DOCK9: variants seen among roughly 807,000 people sequenced by gnomAD.
The protein encoded by DOCK9 is dedicator of cytokinesis protein 9.
A neutral mutation model predicts 263.3 loss-of-function variants in DOCK9; 89 were observed. That is an observed-to-expected ratio of 0.34 (90% CI 0.28 to 0.40). DOCK9 has a LOEUF of 0.40. Ranked by LOEUF, DOCK9 falls within the 10% of genes least tolerant of loss-of-function variation. The probability of loss-of-function intolerance (pLI) is 1.00; values close to 1 mark genes in which losing one functional copy is unlikely to be tolerated. For synonymous variants in DOCK9, 976 were observed against 973.1 expected (o/e 1.00, Z -0.06); for missense variants, 2,140 against 2,603.4 (o/e 0.82, Z 3.87).
intron 1 of DOCK9, among the ~76,000 whole-genome samples, chr13:99,082,993 G>A (rs1324664739): frequency 2.0e-5 from 3 of 151,992 alleles, no homozygotes; most frequent in Non-Finnish European, 2.9e-5. Flanking sequence ...GGTGGTTCAC[G>A]CCTGTAATCC....
chr13:99,065,044 G>A (rs1444612893), intron 1 of DOCK9, among the ~76,000 whole-genome samples: 1 of 152,106 alleles, frequency 6.6e-6, no homozygotes, highest in African/African-American at 2.4e-5. Flanking sequence ...TCAGGTTTCT[G>A]CATCACCACA....
In DOCK9 at chr13:98,823,445, C is replaced by T. The variant is rs73555164; in HGVS notation, c.5130+953G>A. ...AATGGTTAAAAGCCCCAGTATCAACCGTATGCCACACCGCTGTGGCCCTGG... is the reference window on the plus strand; with the variant it reads ...AATGGTTAAAAGCCCCAGTATCAACTGTATGCCACACCGCTGTGGCCCTGG... On this transcript the variant is annotated intron_variant, in intron 45 of 52. Transcript: ENST00000682017. Among the ~76,000 whole-genome samples, 970 of 152,290 alleles carry T rather than the reference C, an allele frequency of 6.4e-3. 14 individuals carry two copies. The highest frequency in any genetic ancestry group is 0.023 in the African/African-American group (945 of 41,546).
intron 1 of DOCK9, among the ~76,000 whole-genome samples, chr13:99,004,782 T>TGGAC (rs1883004443): frequency 1.2e-5 from 1 of 86,278 alleles, no homozygotes; most frequent in African/African-American, 4.4e-5. Flanking sequence ...CAAAAAACTA[T>TGGAC]AGACACACAC....
chr13:98,919,692 C>T (rs1224867926), intron 7 of DOCK9, among the ~76,000 whole-genome samples: 1 of 152,174 alleles, frequency 6.6e-6, no homozygotes, highest in Non-Finnish European at 1.5e-5. Flanking sequence ...GAGAAAAATG[C>T]CTGAATGATC....
chr13:99,022,655 AAC>A lies in DOCK9; in HGVS notation c.129+63566_129+63567del, dbSNP rs539725540. Among the ~76,000 whole-genome samples, 51 of 152,340 alleles carry A rather than the reference AAC, an allele frequency of 3.3e-4. 1 individual carries two copies. In the South Asian group the frequency reaches 9.9e-3, roughly 30 times the overall value. Reference sequence around the variant, plus strand: ...GATCAAGTTAAATAGCTTTTAAAATAACACAGGTCAGCCAGAAATGCTAGCAC... The same window carrying A: ...GATCAAGTTAAATAGCTTTTAAAATAACAGGTCAGCCAGAAATGCTAGCAC... On this transcript the variant is annotated intron_variant, in intron 1 of 32. Coordinates refer to the DOCK9 transcript ENST00000427887.
chr13:99,076,342 C>T lies in DOCK9; in HGVS notation c.129+9881G>A, dbSNP rs553195653. Among the ~76,000 whole-genome samples, 31 of 152,280 alleles carry T rather than the reference C, an allele frequency of 2.0e-4. 1 individual carries two copies. The South Asian group carries it at 4.6e-3, about 22-fold the overall frequency. ...AGTTAGATCAGTGTCTTCTTTTACA[C>T]ATTGGAGCTCTATGGAATTGGTGAA... On this transcript the variant is annotated intron_variant, in intron 1 of 32. Coordinates refer to the DOCK9 transcript ENST00000427887.
In DOCK9 at chr13:98,886,537, C is replaced by T; in HGVS notation, c.2131G>A (p.Asp711Asn). Residue 711 changes from aspartate to asparagine, a missense_variant, in exon 19 of 53, where the codon GAT becomes AAT. By Grantham distance (23) the Asp-to-Asn change is conservative. Transcript: ENST00000682017. The stretch of plus-strand genomic sequence containing the variant: ...CCCTTAAAAACATCACTTACCTCAT[C>T]ATAAAATTCTGGGTTTTGGTGATGG... ...LHHHQNPEFYDEIKIELPTQL... is the reference protein window; with the variant it reads ...LHHHQNPEFYNEIKIELPTQL... The T allele has an allele frequency of 1.2e-6, 2 of 1,613,658 alleles. No individual in the cohort carries two copies. The highest frequency in any genetic ancestry group is 1.7e-6 in the Non-Finnish European group (2 of 1,179,658).
intron 1 of DOCK9, among the ~76,000 whole-genome samples, chr13:99,022,304 T>G (rs1377939341): frequency 6.6e-6 from 1 of 152,136 alleles, no homozygotes; most frequent in African/African-American, 2.4e-5. Flanking sequence ...AGTAAAATAT[T>G]TTTGCTAAAA....
chr13:99,055,447 T>A (rs1462016794), intron 1 of DOCK9, among the ~76,000 whole-genome samples: 1 of 152,012 alleles, frequency 6.6e-6, no homozygotes, highest in Non-Finnish European at 1.5e-5. Flanking sequence ...CAGCCTCCAG[T>A]GCGGGGAAGG....
intron 1 of DOCK9, among the ~76,000 whole-genome samples, chr13:99,083,612 TTCTC>T (rs67317317): frequency 0.15 from 22,520 of 152,194 alleles, 2,367 homozygotes; most frequent in East Asian, 0.42. Context: ...CATTATACTA[TTCTC>T]TCTACTTTTT....
At chr13:98,966,671 CTTATT>C (rs1184199031) in intron 1 of DOCK9, among the ~76,000 whole-genome samples, 2 of 152,176 alleles carry the variant, frequency 1.3e-5, no homozygotes, top group Non-Finnish European at 2.9e-5. Flanking sequence ...CTTTAAGCTA[CTTATT>C]TTAAGATATT....
At chr13:99,041,480 CAAA>C (rs11411001) in intron 1 of DOCK9, among the ~76,000 whole-genome samples, 7 of 137,248 alleles carry the variant, frequency 5.1e-5, no homozygotes, top group Non-Finnish European at 4.7e-5. Flanking sequence ...AAGACTGTCT[CAAA>C]AAAAAAAAAA....
intron 1 of DOCK9, chr13:99,015,426 A>G: frequency 1.3e-6 from 2 of 1,558,616 alleles, no homozygotes; most frequent in East Asian, 2.3e-5. Context: ...CTACTTGTTA[A>G]TTAAGCAAGA....
At position 98,886,766 on chromosome 13, in the gene DOCK9, G is replaced by A. The variant is rs529493865; in HGVS notation, c.2044-142C>T. On this transcript the variant is annotated intron_variant, in intron 18 of 52. Transcript: ENST00000682017. ...GATGGGCCCCAGGCCTGTGAGCCCC[G>A]GACTGCTGGGTCCTGCCCACCTTCC... The A allele has an allele frequency of 3.5e-4, 252 of 729,094 alleles. 1 individual carries two copies. In the African/African-American group the frequency reaches 3.8e-3, roughly 11 times the overall value. 45.2% of individuals were successfully genotyped at this position (729,094 alleles called of 1,614,324 possible).
chr13:98,889,813 C>A (rs927357296), intron 15 of DOCK9, among the ~76,000 whole-genome samples: 4 of 152,224 alleles, frequency 2.6e-5, no homozygotes, highest in East Asian at 1.9e-4. Context: ...TATTACAGAG[C>A]CTGGAACTGC....
Position 98,932,426 on chromosome 13 carries a change from AC to A in DOCK9, c.244-2170del, listed in dbSNP as rs779560803. Among the ~76,000 whole-genome samples, 285 of 152,038 alleles carry A rather than the reference AC, an allele frequency of 1.9e-3. 4 individuals carry two copies. The South Asian group carries it at 0.02, about 10-fold the overall frequency. ...CAACAACAAACAAACAAACAAACAAACAAACAAAAAAACAGATCATAGTCAT... is the reference window on the plus strand; with the variant it reads ...CAACAACAAACAAACAAACAAACAAAAAACAAAAAAACAGATCATAGTCAT... On this transcript the variant is annotated intron_variant, in intron 2 of 52. Transcript: ENST00000682017.
chr13:99,081,461 C>A (rs76804861), intron 1 of DOCK9, among the ~76,000 whole-genome samples: 16,686 of 152,202 alleles, frequency 0.11, 1,331 homozygotes, highest in East Asian at 0.24. Context: ...CTGGCAAGTG[C>A]TTGACATCGA....
chr13:98,908,677 CAT>C (rs1488006022), intron 9 of DOCK9, among the ~76,000 whole-genome samples: 1 of 152,048 alleles, frequency 6.6e-6, no homozygotes, highest in Non-Finnish European at 1.5e-5. Context: ...AAAAACCTTA[CAT>C]ATGTTTATCT....
chr13:98,931,447 T>C (rs7399669), intron 2 of DOCK9, among the ~76,000 whole-genome samples: 97,642 of 151,470 alleles, frequency 0.64, 31,954 homozygotes, highest in Middle Eastern at 0.77. Context: ...TACAGGCGCC[T>C]GCCACCATGC....
Sources: gnomAD v4.1 joint callset for allele counts (sites outside exome capture counted in the v4.1 genomes callset) on GRCh38, gnomAD v4.1.1 for gene constraint, MANE v1.5 for transcripts, NCBI Gene and HGNC (gene_info 2026-07-23, HGNC 2026-07-21) for gene names.